The following PCDH9 variants were observed in gnomAD, a reference collection of about 807,000 sequenced individuals.
PCDH9 encodes the protein protocadherin 9.
In PCDH9, 24 loss-of-function variants were observed where a neutral mutation model predicts 70.6. The ratio of observed to expected loss-of-function variants is 0.34; its 90% CI spans 0.25 to 0.48. PCDH9 has a LOEUF of 0.48. Among genes scored for constraint, PCDH9 ranks in the 20% least tolerant of loss-of-function variants. The pLI is 0.99. For missense variants in PCDH9, 1,281 were observed against 1,503.6 expected, an observed-to-expected ratio of 0.85 and a Z score of 2.45; for synonymous variants, 562 against 558.5, an observed-to-expected ratio of 1.01 and a Z score of -0.09.
chr13:66,872,214 T>C (rs2081705624), intron 3 of PCDH9, among the ~76,000 whole-genome samples: 1 of 152,082 alleles, frequency 6.6e-6, no homozygotes, highest in South Asian at 2.1e-4. Context: ...TGGTGAAATA[T>C]AGCTTTCATT....
intron 2 of PCDH9, among the ~76,000 whole-genome samples, chr13:67,164,128 T>C (rs1422654143): frequency 1.3e-5 from 2 of 152,212 alleles, no homozygotes; most frequent in African/African-American, 4.8e-5. Flanking sequence ...TCATAATGCA[T>C]CTTCAAGTTT....
Position 67,227,666 on chromosome 13 carries a change from C to T in PCDH9, c.775G>A (p.Val259Met), listed in dbSNP as rs1464939313. The T allele has an allele frequency of 2.5e-6, 4 of 1,613,340 alleles. No individual in the cohort carries two copies. The highest frequency in any genetic ancestry group is 3.4e-6 in the Non-Finnish European group (4 of 1,179,400). The change falls in exon 2 of 5, where the codon GTG (valine) becomes ATG (methionine). Residue 259 changes from valine to methionine, a missense_variant. Coordinates refer to ENST00000377865, the MANE Select transcript of PCDH9 (RefSeq NM_203487.3). The surrounding 1 kb of genome is among the most constrained non-coding windows in gnomAD (Gnocchi z 4.6). ...ACGGGAGCATTCTCTGGAATATGCACCTCCACTTGACCCTCTTTAAACACT... is the reference window on the plus strand; with the variant it reads ...ACGGGAGCATTCTCTGGAATATGCATCTCCACTTGACCCTCTTTAAACACT... Reference protein sequence around the residue: ...RPVFKEGQVEVHIPENAPVGT... With the variant: ...RPVFKEGQVEMHIPENAPVGT...
chr13:67,208,244 G>A (rs1256640795), intron 2 of PCDH9: 1 of 152,030 alleles, frequency 6.6e-6, no homozygotes, highest in Non-Finnish European at 1.5e-5. Context: ...AAATCCTTGC[G>A]TGTTCATTTG....
intron 2 of PCDH9, chr13:66,985,444 G>A (rs2083871824): frequency 6.6e-6 from 1 of 151,888 alleles, no homozygotes; most frequent in Non-Finnish European, 1.5e-5. Context: ...TCCTAGTATA[G>A]TACATTGTAT....
intron 4 of PCDH9, among the ~76,000 whole-genome samples, chr13:66,530,306 G>A (rs1427156637): frequency 2.0e-5 from 3 of 151,998 alleles, no homozygotes; most frequent in Admixed American, 1.3e-4. Flanking sequence ...ATTATTTTTC[G>A]ACAGTGTGTG....
At chr13:66,662,391 T>C (rs938953084) in intron 3 of PCDH9, among the ~76,000 whole-genome samples, 4 of 151,846 alleles carry the variant, frequency 2.6e-5, no homozygotes, top group African/African-American at 9.7e-5. Flanking sequence ...GAGAATTGTT[T>C]GAACTTGGGA....
chr13:66,607,808 G>C (rs1423998004), intron 4 of PCDH9, among the ~76,000 whole-genome samples: 2 of 151,966 alleles, frequency 1.3e-5, no homozygotes, highest in Non-Finnish European at 2.9e-5. Flanking sequence ...AATAACTGAG[G>C]AAGGAAAGAA....
At chr13:66,766,749 G>A (rs1405167990) in intron 3 of PCDH9, among the ~76,000 whole-genome samples, 1 of 151,902 alleles carries the variant, frequency 6.6e-6, no homozygotes, top group Non-Finnish European at 1.5e-5. Flanking sequence ...TCGGTTATTG[G>A]GATGAATCAG....
intron 4 of PCDH9, among the ~76,000 whole-genome samples, chr13:66,498,540 C>T (rs2081304989): frequency 6.6e-6 from 1 of 152,026 alleles, no homozygotes; most frequent in Non-Finnish European, 1.5e-5. Context: ...CCTCAATATC[C>T]CTGTGATCTG....
intron 4 of PCDH9, among the ~76,000 whole-genome samples, chr13:66,346,944 C>G (rs558973392): frequency 6.6e-6 from 1 of 152,278 alleles, no homozygotes; most frequent in African/African-American, 2.4e-5. Context: ...AGTGGAAATA[C>G]AAATGCTAAT....
At chr13:66,364,252 C>G (rs191685655) in intron 4 of PCDH9, among the ~76,000 whole-genome samples, 1 of 152,272 alleles carries the variant, frequency 6.6e-6, no homozygotes, top group Admixed American at 6.5e-5. Context: ...CATATTCATA[C>G]AGTGGATCAA....
chr13:66,773,935 G>A (rs2079850532), intron 3 of PCDH9, among the ~76,000 whole-genome samples: 1 of 151,560 alleles, frequency 6.6e-6, no homozygotes, highest in Admixed American at 6.6e-5. Context: ...CTGCCACCAA[G>A]CCCGGCTAAT....
intron 2 of PCDH9, among the ~76,000 whole-genome samples, chr13:66,994,561 T>C (rs1178674981): frequency 6.6e-6 from 1 of 152,190 alleles, no homozygotes; most frequent in Non-Finnish European, 1.5e-5. Flanking sequence ...ATAAGAATTC[T>C]TTCATTCTAA....
intron 3 of PCDH9, among the ~76,000 whole-genome samples, chr13:66,761,565 G>A (rs2079628282): frequency 6.6e-6 from 1 of 151,856 alleles, no homozygotes; most frequent in African/African-American, 2.4e-5. Context: ...CTGACTCTAT[G>A]AGTTTAAATA....
At chr13:66,735,755 G>A (rs1354178099) in intron 3 of PCDH9, among the ~76,000 whole-genome samples, 2 of 152,116 alleles carry the variant, frequency 1.3e-5, no homozygotes, top group African/African-American at 4.8e-5. Flanking sequence ...CCTGAGGTAA[G>A]GAGTTCAAGA....
chr13:66,520,445 T>C (rs1185656310), intron 4 of PCDH9, among the ~76,000 whole-genome samples: 2 of 152,222 alleles, frequency 1.3e-5, no homozygotes, highest in African/African-American at 4.8e-5. Context: ...TCTTTTTTCC[T>C]GCATTGCTGC....
At chr13:67,078,494 A>G (rs537898550) in intron 2 of PCDH9, among the ~76,000 whole-genome samples, 3 of 152,222 alleles carry the variant, frequency 2.0e-5, no homozygotes, top group African/African-American at 7.2e-5. Flanking sequence ...TTCCTCAAAA[A>G]AGTTTCATGT....
chr13:66,684,676 T>A (rs1214025759), intron 3 of PCDH9, among the ~76,000 whole-genome samples: 1 of 152,082 alleles, frequency 6.6e-6, no homozygotes, highest in Non-Finnish European at 1.5e-5. Context: ...GAACTGTGAG[T>A]CAATTAAAGC....
intron 4 of PCDH9, among the ~76,000 whole-genome samples, chr13:66,606,061 C>T (rs1022797670): frequency 6.6e-5 from 10 of 152,014 alleles, no homozygotes; most frequent in Non-Finnish European, 1.3e-4. Context: ...GCAGGCAGCT[C>T]TTTTAGCTAT....
Sources: allele counts gnomAD v4.1 joint callset (sites outside exome capture counted in the v4.1 genomes callset), GRCh38; gene constraint gnomAD v4.1.1; non-coding constraint Gnocchi (gnomAD v3.1); transcripts MANE v1.5; gene names NCBI Gene and HGNC (gene_info 2026-07-23, HGNC 2026-07-21).